C1orf21: variants seen among roughly 807,000 people sequenced by gnomAD.
C1orf21 encodes the protein chromosome 1 open reading frame 21, also known as uncharacterized protein C1orf21.
In C1orf21, 3 loss-of-function variants were observed where a neutral mutation model predicts 18.7. That is an observed-to-expected ratio of 0.16 (90% CI 0.07 to 0.42). The LOEUF (loss-of-function observed/expected upper bound fraction) is 0.42. C1orf21 is among the 10% of genes least tolerant of loss of function. C1orf21 has a pLI of 0.99. For synonymous variants in C1orf21, 41 were observed against 46.4 expected, an observed-to-expected ratio of 0.88 and a Z score of 0.47; for missense variants, 104 against 143.6, an observed-to-expected ratio of 0.72 and a Z score of 1.41.
intron 2 of C1orf21, among the ~76,000 whole-genome samples, chr1:184,487,535 G>A (rs1327232339): frequency 1.3e-5 from 2 of 152,154 alleles, no homozygotes; most frequent in African/African-American, 4.8e-5. Context: ...TTCCTCCTTG[G>A]GAATAACACA....
chr1:184,435,755 C>G (rs1018573413), intron 1 of C1orf21, among the ~76,000 whole-genome samples: 4 of 152,154 alleles, frequency 2.6e-5, no homozygotes, highest in Non-Finnish European at 4.4e-5. Context: ...GAAGAACAAC[C>G]AACTGAGGCA....
chr1:184,519,618 G>A (rs1032778062), intron 3 of C1orf21, among the ~76,000 whole-genome samples: 9 of 152,226 alleles, frequency 5.9e-5, no homozygotes, highest in African/African-American at 2.2e-4. Flanking sequence ...ATAACACAGT[G>A]GTGTTACTTT....
intron 1 of C1orf21, among the ~76,000 whole-genome samples, chr1:184,455,461 G>T (rs1305713433): frequency 1.3e-5 from 2 of 152,092 alleles, no homozygotes; most frequent in East Asian, 1.9e-4. Flanking sequence ...TGGTCCCTAG[G>T]TTACACTTTG....
At chr1:184,499,657 G>C (rs1282459987) in intron 2 of C1orf21, among the ~76,000 whole-genome samples, 1 of 150,856 alleles carries the variant, frequency 6.6e-6, no homozygotes, top group East Asian at 1.9e-4. Flanking sequence ...ATTACTTCTT[G>C]TGCTTTGTGG....
chr1:184,448,819 T>C (rs1326854074), intron 1 of C1orf21, among the ~76,000 whole-genome samples: 1 of 152,172 alleles, frequency 6.6e-6, no homozygotes, highest in Non-Finnish European at 1.5e-5. Flanking sequence ...CTGAAGTTCT[T>C]CTTTGGTAAC....
chr1:184,457,860 A>G (rs1461032835), intron 1 of C1orf21, among the ~76,000 whole-genome samples: 2 of 152,198 alleles, frequency 1.3e-5, no homozygotes, highest in African/African-American at 4.8e-5. Context: ...ATTTAAAGGC[A>G]TGTGTACTTC....
chr1:184,521,849 C>T (rs1192181816), intron 3 of C1orf21, among the ~76,000 whole-genome samples: 1 of 152,058 alleles, frequency 6.6e-6, no homozygotes, highest in East Asian at 1.9e-4. Flanking sequence ...GTGAAATAAA[C>T]TTACTGAAGG....
intron 1 of C1orf21, among the ~76,000 whole-genome samples, chr1:184,391,925 C>T (rs1248257019): frequency 6.6e-6 from 1 of 152,142 alleles, no homozygotes; most frequent in Non-Finnish European, 1.5e-5. Context: ...CCAGGATGGT[C>T]TCGATCTCTT....
At chr1:184,388,693 A>C (rs1438568975) in intron 1 of C1orf21, among the ~76,000 whole-genome samples, 1 of 151,798 alleles carries the variant, frequency 6.6e-6, no homozygotes, top group African/African-American at 2.4e-5. Flanking sequence ...TTACACAGAC[A>C]GATGTAATGA....
At chr1:184,500,884 T>G (rs746790441) in intron 2 of C1orf21, among the ~76,000 whole-genome samples, 3 of 152,168 alleles carry the variant, frequency 2.0e-5, no homozygotes, top group Non-Finnish European at 4.4e-5. Context: ...TGTTGCATCT[T>G]AAGCCTCATA....
chr1:184,459,224 T>C (rs939708171), intron 1 of C1orf21, among the ~76,000 whole-genome samples: 11 of 152,226 alleles, frequency 7.2e-5, no homozygotes, highest in African/African-American at 2.7e-4. Flanking sequence ...GTAAATATCC[T>C]GACATTCAAA....
intron 1 of C1orf21, among the ~76,000 whole-genome samples, chr1:184,392,571 TC>T (rs1005333493): frequency 3.9e-5 from 6 of 152,052 alleles, no homozygotes; most frequent in African/African-American, 1.4e-4. Flanking sequence ...AGAACTGCAC[TC>T]CTATCATCTA....
intron 2 of C1orf21, among the ~76,000 whole-genome samples, chr1:184,500,481 A>C (rs1657959256): frequency 6.6e-6 from 1 of 152,132 alleles, no homozygotes; most frequent in Non-Finnish European, 1.5e-5. Flanking sequence ...TCCTCCTTGC[A>C]GCTGAGGGCG....
chr1:184,549,446 A>G (rs902206962), intron 3 of C1orf21, among the ~76,000 whole-genome samples: 1 of 152,064 alleles, frequency 6.6e-6, no homozygotes, highest in Non-Finnish European at 1.5e-5. Context: ...TACTAAATTT[A>G]TATTTAAATA....
chr1:184,461,949 T>C (rs1324540944), intron 1 of C1orf21, among the ~76,000 whole-genome samples: 1 of 152,150 alleles, frequency 6.6e-6, no homozygotes, highest in African/African-American at 2.4e-5. Flanking sequence ...TTTTAAAAAA[T>C]GAAGGACCCT....
chr1:184,415,433 G>A (rs1011010117), intron 1 of C1orf21, among the ~76,000 whole-genome samples: 1 of 152,172 alleles, frequency 6.6e-6, no homozygotes, highest in Admixed American at 6.5e-5. Flanking sequence ...AATCTGTTCA[G>A]TAGGTCTGGG....
chr1:184,461,615 T>A (rs1657308227), intron 1 of C1orf21, among the ~76,000 whole-genome samples: 1 of 152,184 alleles, frequency 6.6e-6, no homozygotes, highest in African/African-American at 2.4e-5. Context: ...ATATCTGTTT[T>A]TTTGGGATGA....
chr1:184,511,661 G>C (rs1261301532), intron 3 of C1orf21, among the ~76,000 whole-genome samples: 1 of 152,182 alleles, frequency 6.6e-6, no homozygotes, highest in Non-Finnish European at 1.5e-5. Flanking sequence ...CCGTTTTCAT[G>C]CTCCTATAAA....
intron 1 of C1orf21, among the ~76,000 whole-genome samples, chr1:184,398,707 C>T (rs1257084750): frequency 6.6e-6 from 1 of 152,148 alleles, no homozygotes; most frequent in African/African-American, 2.4e-5. Flanking sequence ...TACAATACAT[C>T]TCTGTACTGA....
Sources: gnomAD v4.1 joint callset for allele counts (sites outside exome capture counted in the v4.1 genomes callset) on GRCh38, gnomAD v4.1.1 for gene constraint, MANE v1.5 for transcripts, NCBI Gene and HGNC (gene_info 2026-07-23, HGNC 2026-07-21) for gene names.